The following AGFG1 variants were observed in gnomAD, a reference collection of about 807,000 sequenced individuals.
AGFG1 encodes the protein arf-GAP domain and FG repeat-containing protein 1.
Under a neutral mutation model 60.6 loss-of-function variants are expected in AGFG1, and 10 were observed. The observed-to-expected ratio is 0.16, with a 90% CI of 0.10 to 0.28. The LOEUF is 0.28. Ranked by LOEUF, AGFG1 falls within the 10% of genes least tolerant of loss-of-function variation. The pLI is 1.00. For synonymous variants in AGFG1, 247 were observed against 242.9 expected (o/e 1.02, Z -0.16); for missense variants, 537 against 676.5 (o/e 0.79, Z 2.29).
At chr2:227,490,904 A>G (rs1198554308) in intron 1 of AGFG1, among the ~76,000 whole-genome samples, 5 of 152,326 alleles carry the variant, frequency 3.3e-5, no homozygotes, top group Admixed American at 2.6e-4. Context: ...TTGTTAAATC[A>G]TGCATGCAGC....
rs541475949 is a variant in AGFG1 at position 227,528,061 on chromosome 2, A to G, written c.695-3030A>G. Among the ~76,000 whole-genome samples, 7 of 152,298 alleles carry G rather than the reference A, an allele frequency of 4.6e-5. No homozygotes were observed. The South Asian group carries it at 1.4e-3, about 32-fold the overall frequency. ...GATAATATGAAGTATATTATACATA[A>G]TCACACTCCAAAATATGCTGTTTGG... On this transcript the variant is annotated intron_variant, in intron 5 of 12. Transcript: ENST00000310078.
rs575204848 is a variant in AGFG1, at chr2:227,524,285, T to C, written c.540+360T>C. Among the ~76,000 whole-genome samples the C allele has an allele frequency of 2.0e-5, 3 of 151,440 alleles. No homozygotes were observed. The South Asian group carries it at 6.3e-4, about 32-fold the overall frequency. On this transcript the variant is annotated intron_variant, in intron 4 of 12. Coordinates refer to ENST00000310078, the MANE Select transcript of AGFG1 (RefSeq NM_004504.5). ...ATCAGAGTTAGAATGTATAGTCTCT[T>C]TGATACACTTTTCTAGGAAGGGATT...
chr2:227,551,184 T>G (rs1339593865), intron 10 of AGFG1, among the ~76,000 whole-genome samples: 1 of 152,194 alleles, frequency 6.6e-6, no homozygotes, highest in Non-Finnish European at 1.5e-5. Context: ...TGGCCATTTA[T>G]TCTGCATTCT....
At chr2:227,485,962 C>G (rs775005008) in intron 1 of AGFG1, among the ~76,000 whole-genome samples, 22 of 152,286 alleles carry the variant, frequency 1.4e-4, no homozygotes, top group Non-Finnish European at 2.8e-4. Flanking sequence ...ATTTTTACTG[C>G]AGCCTCATAT....
chr2:227,479,522 A>G (rs1690392856), intron 1 of AGFG1, among the ~76,000 whole-genome samples: 1 of 150,564 alleles, frequency 6.6e-6, no homozygotes, highest in Non-Finnish European at 1.5e-5. Context: ...TATCTGTTCC[A>G]ATAGCATTCT....
intron 6 of AGFG1, among the ~76,000 whole-genome samples, chr2:227,532,972 A>G (rs946999265): frequency 2.0e-5 from 3 of 152,200 alleles, no homozygotes; most frequent in Non-Finnish European, 2.9e-5. Flanking sequence ...ATGATTTTAC[A>G]GTGGACATCT....
At chr2:227,547,411 A>G (rs1017891803) in intron 10 of AGFG1, among the ~76,000 whole-genome samples, 2 of 152,210 alleles carry the variant, frequency 1.3e-5, no homozygotes, top group African/African-American at 4.8e-5. Context: ...TTGGTATTTT[A>G]AAAAGGAGCC....
intron 10 of AGFG1, among the ~76,000 whole-genome samples, chr2:227,544,146 CTTTTTTTT>C (rs71039605): frequency 9.4e-4 from 71 of 75,798 alleles, no homozygotes; most frequent in Non-Finnish European, 1.3e-3. Context: ...CATTCTGTGT[CTTTTTTTT>C]TTTTTTTTTT....
intron 2 of AGFG1, among the ~76,000 whole-genome samples, chr2:227,493,553 T>G (rs1690882709): frequency 6.6e-6 from 1 of 152,206 alleles, no homozygotes; most frequent in Non-Finnish European, 1.5e-5. Context: ...AATTAGTTAA[T>G]TTTTAGGAAC....
chr2:227,550,175 A>G (rs1204178434), intron 10 of AGFG1: 1 of 384,754 alleles, frequency 2.6e-6, no homozygotes, highest in African/African-American at 2.2e-5. Flanking sequence ...AGCTTCTGCT[A>G]GTGTTCTGGA....
At position 227,523,743 on chromosome 2, in the gene AGFG1, C is replaced by T. The variant is rs1196041184; in HGVS notation, c.378-20C>T. On this transcript the variant is annotated intron_variant, in intron 3 of 12. Transcript: ENST00000310078. ...ATTACCTACATTTTTTTTTAGTTAACTGTTTTTTACATGTTTTAGGTATGT... is the reference window on the plus strand; with the variant it reads ...ATTACCTACATTTTTTTTTAGTTAATTGTTTTTTACATGTTTTAGGTATGT... The T allele has an allele frequency of 5.1e-6, 8 of 1,573,422 alleles. No homozygotes were observed. The highest frequency in any genetic ancestry group is 1.8e-5 in the Admixed American group (1 of 55,780).
At chr2:227,549,459 G>C (rs1428473615) in intron 10 of AGFG1, among the ~76,000 whole-genome samples, 1 of 152,134 alleles carries the variant, frequency 6.6e-6, no homozygotes. Context: ...TGTACAAGAT[G>C]CCTTTTTCTT....
chr2:227,479,585 C>T lies in AGFG1; in HGVS notation c.167+6997C>T, dbSNP rs564344438. On this transcript the variant is annotated intron_variant, in intron 1 of 12. Transcript: ENST00000310078. ...GATATTTTCCTTCTTTTCTGTGCAG[C>T]GTGCATGATGTTCACATTTGTGAGA... 1.1e-4 allele frequency among the ~76,000 whole-genome samples: 16 copies of T among 152,226 alleles called. No homozygotes were observed. In the South Asian group the frequency reaches 2.7e-3, roughly 26 times the overall value.
chr2:227,489,085 G>A (rs1009334949), intron 1 of AGFG1, among the ~76,000 whole-genome samples: 9 of 152,064 alleles, frequency 5.9e-5, no homozygotes, highest in Admixed American at 1.3e-4. Context: ...AAAGTACTGG[G>A]ATTACAGGCA....
intron 1 of AGFG1, among the ~76,000 whole-genome samples, chr2:227,487,805 C>T (rs1690685571): frequency 6.6e-6 from 1 of 152,188 alleles, no homozygotes. Context: ...ACTCTGAATG[C>T]TACTTAAGAC....
Position 227,561,182 on chromosome 2 carries a change from T to C in AGFG1, c.*6687T>C, listed in dbSNP as rs1008803989. 2.0e-5 allele frequency: 3 copies of C among 152,158 alleles called. No homozygotes were observed. Among genetic ancestry groups the C allele is most frequent in the Non-Finnish European group, 4.4e-5 (3 of 67,992 alleles). 9.4% of individuals were successfully genotyped at this position (152,158 alleles called of 1,614,324 possible). A position where few individuals can be genotyped will look rare whatever the true frequency, so the allele number is the denominator to read the frequency against. On this transcript the variant is annotated 3_prime_UTR_variant, in exon 13 of 13. Coordinates refer to ENST00000310078, the MANE Select transcript of AGFG1 (RefSeq NM_004504.5). ...CATTGTGAAATACTGTTGGAAGAAT[T>C]TTTTTCAAAATAAAGACTTCTGAAT...
At chr2:227,519,091 C>T (rs1691746526) in intron 2 of AGFG1, among the ~76,000 whole-genome samples, 2 of 152,170 alleles carry the variant, frequency 1.3e-5, no homozygotes, top group African/African-American at 4.8e-5. Flanking sequence ...GGGAGGATGG[C>T]TTGAGCCTGG....
intron 10 of AGFG1, among the ~76,000 whole-genome samples, chr2:227,544,972 T>C (rs1288907773): frequency 6.6e-6 from 1 of 152,190 alleles, no homozygotes; most frequent in Non-Finnish European, 1.5e-5. Context: ...CTTTGTGGTG[T>C]TCTCTGTATT....
At chr2:227,482,410 G>A (rs909968240) in intron 1 of AGFG1, among the ~76,000 whole-genome samples, 1 of 152,076 alleles carries the variant, frequency 6.6e-6, no homozygotes, top group South Asian at 2.1e-4. Context: ...CAACATATAC[G>A]GTGTCTTGGC....
Sources: gnomAD v4.1 joint callset for allele counts (sites outside exome capture counted in the v4.1 genomes callset) on GRCh38, gnomAD v4.1.1 for gene constraint, MANE v1.5 for transcripts, NCBI Gene and HGNC (gene_info 2026-07-23, HGNC 2026-07-21) for gene names.